AGMO: variants seen among roughly 807,000 people sequenced by gnomAD.
The protein encoded by AGMO is glyceryl-ether monooxygenase.
A neutral mutation model predicts 60.2 loss-of-function variants in AGMO; 75 were observed. The ratio of observed to expected loss-of-function variants is 1.25; its 90% CI spans 1.03 to 1.51. The LOEUF (loss-of-function observed/expected upper bound fraction) is 1.51. Ranked by LOEUF, AGMO falls within the 40% of genes most tolerant of loss-of-function variation. The pLI, the probability that AGMO is intolerant of heterozygous loss-of-function variation, is 0.00. For missense variants in AGMO, 763 were observed against 525.5 expected (o/e 1.45, Z -4.42); for synonymous variants, 261 against 177.1 (o/e 1.47, Z -3.76).
intron 12 of AGMO, among the ~76,000 whole-genome samples, chr7:15,234,038 G>C (rs1446766371): frequency 6.6e-6 from 1 of 152,150 alleles, no homozygotes; most frequent in Non-Finnish European, 1.5e-5. Context: ...GACAGAGCAA[G>C]ACTTCGTCTC....
At chr7:15,148,141 C>T in the AGMO span, among the ~76,000 whole-genome samples, 1 of 151,548 alleles carries the variant, frequency 6.6e-6, no homozygotes, top group Admixed American at 6.6e-5. Context: ...TTTACTACTC[C>T]TTTTTATATT....
chr7:15,376,692 T>C (rs1222196114), intron 10 of AGMO, among the ~76,000 whole-genome samples: 1 of 152,120 alleles, frequency 6.6e-6, no homozygotes. Context: ...TTTTAGTTTG[T>C]AGAACATGCT....
chr7:15,154,438 T>C, the AGMO span, among the ~76,000 whole-genome samples: 6 of 152,146 alleles, frequency 3.9e-5, no homozygotes, highest in Non-Finnish European at 2.9e-5. Flanking sequence ...CACTCTCTTT[T>C]GGTTTTCATT....
chr7:15,379,476 T>C (rs889218604), intron 10 of AGMO, among the ~76,000 whole-genome samples: 1 of 152,120 alleles, frequency 6.6e-6, no homozygotes, highest in South Asian at 2.1e-4. Flanking sequence ...GAAAATATTA[T>C]GAACACTTAC....
chr7:15,429,096 G>A (rs553024393), intron 4 of AGMO, among the ~76,000 whole-genome samples: 1 of 152,048 alleles, frequency 6.6e-6, no homozygotes, highest in South Asian at 2.1e-4. Flanking sequence ...ATTTTTGTTT[G>A]TACTTAATCA....
chr7:15,499,623 G>T (rs964735360), intron 3 of AGMO, among the ~76,000 whole-genome samples: 1 of 151,598 alleles, frequency 6.6e-6, no homozygotes, highest in African/African-American at 2.4e-5. Context: ...TTTCCCCTTT[G>T]CGGCATCCTT....
intron 5 of AGMO, among the ~76,000 whole-genome samples, chr7:15,406,906 G>A (rs964590149): frequency 1.7e-5 from 2 of 120,754 alleles, no homozygotes; most frequent in Non-Finnish European, 3.4e-5. Flanking sequence ...GACTCAAAAG[G>A]CCCCTTTGTT....
chr7:15,286,364 T>C (rs1784098443), intron 12 of AGMO, among the ~76,000 whole-genome samples: 1 of 151,440 alleles, frequency 6.6e-6, no homozygotes, highest in South Asian at 2.1e-4. Context: ...AGAGCTCAAA[T>C]AAATCAGCAG....
chr7:15,352,061 G>A (rs953021518), intron 12 of AGMO, among the ~76,000 whole-genome samples: 4 of 152,148 alleles, frequency 2.6e-5, no homozygotes, highest in East Asian at 1.9e-4. Context: ...TTGTCAAGCA[G>A]TTAATATGAC....
At chr7:15,475,485 G>C (rs1300940845) in intron 3 of AGMO, among the ~76,000 whole-genome samples, 5 of 152,048 alleles carry the variant, frequency 3.3e-5, no homozygotes, top group Admixed American at 3.3e-4. Flanking sequence ...AGTGGGAGAT[G>C]AATAATGAGA....
At chr7:15,506,005 C>T (rs976864252) in intron 3 of AGMO, among the ~76,000 whole-genome samples, 1 of 151,896 alleles carries the variant, frequency 6.6e-6, no homozygotes, top group Non-Finnish European at 1.5e-5. Context: ...TAGAAAAGAA[C>T]CAGAAAATAC....
At chr7:15,174,686 G>C in the AGMO span, among the ~76,000 whole-genome samples, 5 of 152,040 alleles carry the variant, frequency 3.3e-5, no homozygotes, top group Non-Finnish European at 7.4e-5. Context: ...GTTAAAGATA[G>C]AATGGAGTAG....
At chr7:15,145,167 C>T in the AGMO span, among the ~76,000 whole-genome samples, 5 of 152,108 alleles carry the variant, frequency 3.3e-5, no homozygotes, top group Non-Finnish European at 5.9e-5. Flanking sequence ...CAAAATATCA[C>T]CTGCCTATTG....
chr7:15,365,737 A>G, intron 11 of AGMO, 118 bp from the exon 12 acceptor site: 1 of 707,052 alleles, frequency 1.4e-6, no homozygotes, highest in East Asian at 2.8e-5. Flanking sequence ...AATATATTTG[A>G]AAAGCATGTC....
the AGMO span, among the ~76,000 whole-genome samples, chr7:15,169,590 C>T: frequency 6.6e-5 from 10 of 152,240 alleles, no homozygotes; most frequent in African/African-American, 2.2e-4. Flanking sequence ...GCATCCACCA[C>T]CACACCTGGC....
the AGMO span, among the ~76,000 whole-genome samples, chr7:15,157,423 G>A: frequency 2.1e-4 from 32 of 152,190 alleles, no homozygotes; most frequent in African/African-American, 7.7e-4. Flanking sequence ...GGGAAGAAGA[G>A]GGCTGCATTT....
chr7:15,327,191 T>C (rs6972963), intron 12 of AGMO, among the ~76,000 whole-genome samples: 44,850 of 152,074 alleles, frequency 0.29, 7,100 homozygotes, highest in African/African-American at 0.41. Context: ...TGCTGTTCTT[T>C]GGAAGAAATG....
chr7:15,192,239 T>C, the AGMO span, among the ~76,000 whole-genome samples: 1 of 151,590 alleles, frequency 6.6e-6, no homozygotes, highest in Non-Finnish European at 1.5e-5. Context: ...TGTTGCTTTA[T>C]CCAAAATCAC....
chr7:15,147,132 A>C, the AGMO span, among the ~76,000 whole-genome samples: 2 of 152,102 alleles, frequency 1.3e-5, no homozygotes, highest in Non-Finnish European at 2.9e-5. Flanking sequence ...TCAGGGTCCA[A>C]GGTGGCTCAT....
Sources: gnomAD v4.1 joint callset for allele counts (sites outside exome capture counted in the v4.1 genomes callset) on GRCh38, gnomAD v4.1.1 for gene constraint, MANE v1.5 for transcripts, NCBI Gene and HGNC (gene_info 2026-07-23, HGNC 2026-07-21) for gene names.